LRRC51: variants seen among roughly 807,000 people sequenced by gnomAD.
LRRC51 encodes leucine rich repeat containing 51.
In LRRC51, 8 loss-of-function variants were observed where a neutral mutation model predicts 17.8. That is an observed-to-expected ratio of 0.45 (90% CI 0.26 to 0.81). The LOEUF is 0.81. LRRC51 is among the 30% of genes least tolerant of loss of function. The pLI, the probability that LRRC51 is intolerant of heterozygous loss-of-function variation, is 0.17. For missense variants in LRRC51, 233 were observed against 239.3 expected (o/e 0.97, Z 0.17); for synonymous variants, 92 against 96.0 (o/e 0.96, Z 0.24).
chr11:72,082,709 A>C (rs892202683), intron 1 of LRRC51, among the ~76,000 whole-genome samples: 2 of 152,080 alleles, frequency 1.3e-5, no homozygotes, highest in African/African-American at 4.8e-5. Context: ...TCTATCACTA[A>C]GTCTTATCAG....
intron 4 of LRRC51, among the ~76,000 whole-genome samples, chr11:72,094,175 A>G (rs1945027745): frequency 6.6e-6 from 1 of 151,796 alleles, no homozygotes; most frequent in Admixed American, 6.6e-5. Context: ...AGTCCCAGCT[A>G]CTCGGGAGGC....
intron 1 of LRRC51, among the ~76,000 whole-genome samples, chr11:72,087,284 ATTCTTTTTT>A (rs375152966): frequency 6.2e-5 from 7 of 113,328 alleles, no homozygotes; most frequent in Admixed American, 1.1e-4. Flanking sequence ...TTTAACAGAA[ATTCTTTTTT>A]TTTTTTTTTT....
chr11:72,088,578 C>T, intron 2 of LRRC51, 198 bp downstream of exon 2: 2 of 599,476 alleles, frequency 3.3e-6, no homozygotes, highest in Non-Finnish European at 6.0e-6. Context: ...GCGGTGCAGG[C>T]CCTCAAGGAT....
At chr11:72,089,371 C>T in intron 3 of LRRC51, 2 of 1,482,000 alleles carry the variant, frequency 1.3e-6, no homozygotes, top group Non-Finnish European at 1.8e-6. Flanking sequence ...GATACAGCCC[C>T]AGGAGATCCT....
chr11:72,093,553 G>A lies in LRRC51; in HGVS notation c.140G>A (p.Gly47Glu), dbSNP rs746696535. The A allele has an allele frequency of 8.1e-6, 13 of 1,614,102 alleles. No individual in the cohort carries two copies. The South Asian group carries it at 1.3e-4, about 16-fold the overall frequency. ...CGACCACTGAAGCGTTCAAAGTCGG[G>A]GAAATCACTGACCCAGTCCCTGTGG... is the stretch of plus-strand genomic sequence containing the variant. ...GLRPLKRSKS[G>E]KSLTQSLWLN... The change falls in exon 4 of 6, where the codon GGG becomes GAG. Residue 47 changes from glycine (G) to glutamate (E), a missense_variant. Physicochemically the swap from Gly to Glu is moderately conservative, Grantham distance 98. Transcript: ENST00000289488.
At chr11:72,093,371 G>C in intron 3 of LRRC51, 125 bp from the exon 4 acceptor site, 1 of 901,928 alleles carries the variant, frequency 1.1e-6, no homozygotes, top group Non-Finnish European at 1.8e-6. Flanking sequence ...CTCAGGCACA[G>C]GGCTATGGCC....
chr11:72,086,531 TC>T (rs1944542861), intron 1 of LRRC51: 1 of 696,776 alleles, frequency 1.4e-6, no homozygotes, highest in African/African-American at 1.8e-5. Context: ...CATTCATTCA[TC>T]CCACAAACAT....
Position 72,096,479 on chromosome 11 carries a change from C to T in LRRC51, c.*959C>T, listed in dbSNP as rs1945216642. ...TCTCAAACTCCTGACCTCAGGTGAT[C>T]TGCCCACCTCAGCCTCCCAAAGTGC... On this transcript the variant is annotated 3_prime_UTR_variant, in exon 6 of 6. Coordinates refer to ENST00000289488, the MANE Select transcript of LRRC51 (RefSeq NM_145309.6). The T allele has an allele frequency of 1.8e-6, 2 of 1,126,756 alleles. No individual in the cohort carries two copies. The highest frequency in any genetic ancestry group is 3.3e-5 in the African/African-American group (2 of 61,312). The allele number at this position is 1,126,756 out of a possible 1,614,324, so 69.8% of individuals were successfully genotyped here. A position where few individuals can be genotyped will look rare whatever the true frequency, so the allele number is the denominator to read the frequency against.
chr11:72,083,687 G>C (rs1424638092), intron 1 of LRRC51: 2 of 152,128 alleles, frequency 1.3e-5, no homozygotes, highest in Non-Finnish European at 2.9e-5. Context: ...ACAGATTTGA[G>C]GATAAAGGTA....
Position 72,096,868 on chromosome 11 carries a change from T to A in LRRC51, c.*1348T>A, listed in dbSNP as rs771997668. The stretch of plus-strand genomic sequence containing the variant: ...GCTGGGATTCTGCTTAAGATTTCAT[T>A]TGATAAAAAGAATCTTCTGCTTAAA... On this transcript the variant is annotated 3_prime_UTR_variant, in exon 6 of 6. Coordinates refer to ENST00000289488, the MANE Select transcript of LRRC51 (RefSeq NM_145309.6). 3.2e-6 allele frequency: 4 copies of A among 1,269,414 alleles called. No homozygotes were observed. In the East Asian group the frequency reaches 1.2e-4, roughly 40 times the overall value. The allele number at this position is 1,269,414 out of a possible 1,614,324, so 78.6% of individuals were successfully genotyped here.
chr11:72,081,459 A>G (rs1412195711), intron 1 of LRRC51, among the ~76,000 whole-genome samples: 1 of 151,990 alleles, frequency 6.6e-6, no homozygotes, highest in Non-Finnish European at 1.5e-5. Flanking sequence ...AAACAAAACA[A>G]AACAACGAAC....
intron 3 of LRRC51, among the ~76,000 whole-genome samples, chr11:72,092,865 T>C (rs1944942805): frequency 2.0e-5 from 3 of 152,368 alleles, no homozygotes; most frequent in Middle Eastern, 6.8e-3. Flanking sequence ...ACTGGGTCAA[T>C]AGCCTCTCTT....
At position 72,096,576 on chromosome 11, in the gene LRRC51, G is replaced by A; in HGVS notation, c.*1056G>A. ...TTTGCTGAAAAAGGGAGGCAATTGAGGGAAAGGCCTGCTGGCCTGGGACAC... is the reference window on the plus strand; with the variant it reads ...TTTGCTGAAAAAGGGAGGCAATTGAAGGAAAGGCCTGCTGGCCTGGGACAC... On this transcript the variant is annotated 3_prime_UTR_variant, in exon 6 of 6. Transcript: ENST00000289488. 2.2e-6 allele frequency: 3 copies of A among 1,385,014 alleles called. No homozygotes were observed. Among genetic ancestry groups the A allele is most frequent in the Middle Eastern group, 2.4e-4 (1 of 4,128 alleles). 85.8% of individuals were successfully genotyped at this position (1,385,014 alleles called of 1,614,324 possible).
chr11:72,090,539 G>C (rs1016890988), intron 3 of LRRC51, among the ~76,000 whole-genome samples: 4 of 152,088 alleles, frequency 2.6e-5, no homozygotes, highest in African/African-American at 9.7e-5. Context: ...CTCCTTGCTA[G>C]GTATGTGAGG....
At chr11:72,081,446 C>CA (rs1944192520) in intron 1 of LRRC51, among the ~76,000 whole-genome samples, 1 of 152,032 alleles carries the variant, frequency 6.6e-6, no homozygotes, top group African/African-American at 2.4e-5. Flanking sequence ...CGAAACAAAA[C>CA]AAAAACAAAA....
Position 72,094,954 on chromosome 11 carries a change from A to G in LRRC51, c.295A>G (p.Thr99Ala). The G allele has an allele frequency of 6.2e-7, 1 of 1,613,978 alleles. No homozygotes were observed. Among genetic ancestry groups the G allele is most frequent in the Non-Finnish European group, 8.5e-7 (1 of 1,179,994 alleles). The stretch of plus-strand genomic sequence containing the variant: ...TGGTTTCCCTCCCCAACAGGTCCTA[A>G]CAACTTTCTTCAACCTGAGTGTCCT... Reference protein sequence around the residue: ...NDLTSIDPVLTTFFNLSVLYL... With the variant: ...NDLTSIDPVLATFFNLSVLYL... Residue 99 changes from threonine (T) to alanine (A), a missense_variant, in exon 5 of 6, where the codon ACA becomes GCA. Coordinates refer to ENST00000289488, the MANE Select transcript of LRRC51 (RefSeq NM_145309.6).
chr11:72,086,214 TGAGA>T, intron 1 of LRRC51: 1 of 586,428 alleles, frequency 1.7e-6, no homozygotes, highest in South Asian at 2.1e-5. Context: ...TGTTGAAACA[TGAGA>T]GAGTATTCAC....
rs1305138616 is a variant in LRRC51, at chr11:72,089,148, G to A, written c.65G>A (p.Ser22Asn). The change falls in exon 3 of 6, where the codon AGC (serine) becomes AAC (asparagine). Residue 22 changes from serine to asparagine, a missense_variant. Transcript: ENST00000289488. Reference protein sequence around the residue: ...QEPPLDYSFRSIHVIQDLVNE... With the variant: ...QEPPLDYSFRNIHVIQDLVNE... ...CCCCCTCTTGACTACTCCTTCAGAA[G>A]CATCCACGTCATTCAAGGTCAGCCC... 1 of 1,614,128 alleles carries A rather than the reference G, an allele frequency of 6.2e-7. No individual in the cohort carries two copies. The highest frequency in any genetic ancestry group is 1.1e-5 in the South Asian group (1 of 91,086).
At chr11:72,088,062 G>C (rs1332095395) in intron 1 of LRRC51, among the ~76,000 whole-genome samples, 1 of 152,204 alleles carries the variant, frequency 6.6e-6, no homozygotes, top group Non-Finnish European at 1.5e-5. Flanking sequence ...ACTGGGGCAA[G>C]TTCTTGTCCT....
Sources: gnomAD v4.1 joint callset for allele counts (sites outside exome capture counted in the v4.1 genomes callset) on GRCh38, gnomAD v4.1.1 for gene constraint, MANE v1.5 for transcripts, NCBI Gene and HGNC (gene_info 2026-07-23, HGNC 2026-07-21) for gene names.